N4BP2: variants seen among roughly 807,000 people sequenced by gnomAD.
N4BP2 encodes NEDD4 binding protein 2.
In N4BP2, 91 loss-of-function variants were observed where a neutral mutation model predicts 152.8. The ratio of observed to expected loss-of-function variants is 0.60; its 90% CI spans 0.50 to 0.71. The LOEUF (loss-of-function observed/expected upper bound fraction) is 0.71, where lower values mean the gene tolerates loss of function less well. Ranked by LOEUF, N4BP2 falls within the 30% of genes least tolerant of loss-of-function variation. The pLI, the probability that N4BP2 is intolerant of heterozygous loss-of-function variation, is 0.00. For synonymous variants in N4BP2, 646 were observed against 705.3 expected, an observed-to-expected ratio of 0.92 and a Z score of 1.33; for missense variants, 1,923 against 2,059.1, an observed-to-expected ratio of 0.93 and a Z score of 1.28.
chr4:40,118,808 A>G (rs1717590548), intron 8 of N4BP2, among the ~76,000 whole-genome samples: 1 of 152,242 alleles, frequency 6.6e-6, no homozygotes, highest in Non-Finnish European at 1.5e-5. Flanking sequence ...GACAATTTGC[A>G]ATCCAAGGTA....
chr4:40,168,774 G>T, the N4BP2 span, among the ~76,000 whole-genome samples: 40 of 151,604 alleles, frequency 2.6e-4, no homozygotes, highest in South Asian at 6.3e-4. Context: ...GCCCAAGCTG[G>T]AGTGCAATGG....
chr4:40,136,883 AATGTC>A (rs1189348638), intron 13 of N4BP2, 56 bp from the exon 14 acceptor site: 56 of 1,256,294 alleles, frequency 4.5e-5, no homozygotes, highest in Non-Finnish European at 6.2e-5. Context: ...TGCTTGTGTT[AATGTC>A]CCACACAACT....
intron 8 of N4BP2, among the ~76,000 whole-genome samples, chr4:40,119,115 C>A (rs1275202686): frequency 2.0e-5 from 3 of 152,158 alleles, no homozygotes; most frequent in African/African-American, 7.2e-5. Flanking sequence ...ACAAATCTTT[C>A]TGTACTTCAG....
chr4:40,083,519 T>G (rs1312661461), intron 2 of N4BP2, among the ~76,000 whole-genome samples: 1 of 152,142 alleles, frequency 6.6e-6, no homozygotes, highest in African/African-American at 2.4e-5. Context: ...GAAGTACCAA[T>G]ACAGGCTACA....
chr4:40,162,413 A>G (rs1721881703), downstream of N4BP2, among the ~76,000 whole-genome samples: 1 of 152,084 alleles, frequency 6.6e-6, no homozygotes, highest in Non-Finnish European at 1.5e-5. Flanking sequence ...GAGCCAAGAT[A>G]GTGCCACTGC....
the N4BP2 span, among the ~76,000 whole-genome samples, chr4:40,163,570 G>T: frequency 6.6e-6 from 1 of 152,236 alleles, no homozygotes; most frequent in African/African-American, 2.4e-5. Context: ...AGGAAGAAAT[G>T]CATTCTTGTT....
rs765582847 is a variant in N4BP2, at chr4:40,154,234, G to A, written c.5310G>A (p.Lys1770=). Residue 1770 remains lysine (K), a synonymous_variant, in exon 18 of 18, where the codon AAG becomes AAA. Transcript: ENST00000261435. ...IKPGCLKVML[K] ...CAGGGTGCTTGAAAGTCATGCTAAA[G>A]TAAAATAAACATCCTTGAATTAGAA... 9.4e-6 allele frequency: 15 copies of A among 1,593,510 alleles called. No homozygotes were observed. The highest frequency in any genetic ancestry group is 3.5e-5 in the Admixed American group (2 of 57,288).
In N4BP2 at chr4:40,156,617, T is replaced by C. The variant is rs1721618040; in HGVS notation, c.*2380T>C. On this transcript the variant is annotated 3_prime_UTR_variant, in exon 18 of 18. Transcript: ENST00000261435. ...AAATCCTGTATGCCCGCAGTAAAGATAGTTTGGGGATTTTAAAAGTTTTCT... is the reference window on the plus strand; with the variant it reads ...AAATCCTGTATGCCCGCAGTAAAGACAGTTTGGGGATTTTAAAAGTTTTCT... The C allele has an allele frequency of 6.6e-6, 1 of 152,130 alleles. No individual in the cohort carries two copies. Among genetic ancestry groups the C allele is most frequent in the African/African-American group, 2.4e-5 (1 of 41,436 alleles). The allele number at this position is 152,130 out of a possible 1,614,324, so 9.4% of individuals were successfully genotyped here.
the N4BP2 span, among the ~76,000 whole-genome samples, chr4:40,176,955 T>C: frequency 6.6e-6 from 1 of 152,228 alleles, no homozygotes; most frequent in Non-Finnish European, 1.5e-5. Context: ...AATAAAATCC[T>C]TTTCTCATCC....
chr4:40,141,699 G>T (rs1719990450), intron 14 of N4BP2, among the ~76,000 whole-genome samples: 1 of 152,246 alleles, frequency 6.6e-6, no homozygotes, highest in Admixed American at 6.5e-5. Flanking sequence ...GCCGGGCAGA[G>T]GCTGCAATCT....
intron 1 of N4BP2, among the ~76,000 whole-genome samples, chr4:40,062,239 C>G (rs1040481283): frequency 6.6e-6 from 1 of 151,814 alleles, no homozygotes; most frequent in Non-Finnish European, 1.5e-5. Flanking sequence ...CCACCACGCC[C>G]GGCTAATTTT....
Position 40,117,253 on chromosome 4 carries a change from C to T in N4BP2, c.1665-616C>T, listed in dbSNP as rs143171986. 1.2e-3 allele frequency among the ~76,000 whole-genome samples: 185 copies of T among 152,286 alleles called. 1 individual carries two copies. Among genetic ancestry groups the T allele is most frequent in the Non-Finnish European group, 2.2e-3 (150 of 68,024 alleles). ...CTGGCTCCTATGACCCTTAACCTCT[C>T]TTTCATATTTTCTATCTCTTTGCTT... On this transcript the variant is annotated intron_variant, in intron 7 of 17. Transcript: ENST00000261435.
In N4BP2 at chr4:40,147,862, A is replaced by G. The variant is rs13129420; in HGVS notation, c.5143+3062A>G. On this transcript the variant is annotated intron_variant, in intron 16 of 17. Transcript: ENST00000261435. ...TCACCTCCCAGACGGGGTCGCGGCC[A>G]GGCAGAGGCGCTCCTCACATCCCAG... Among the ~76,000 whole-genome samples the G allele has an allele frequency of 7.4e-4, 100 of 135,960 alleles. 1 individual carries two copies. The East Asian group carries it at 0.016, about 21-fold the overall frequency. 89.2% of individuals were successfully genotyped at this position (135,960 alleles called of 152,430 possible).
At chr4:40,178,437 A>G in the N4BP2 span, among the ~76,000 whole-genome samples, 8 of 148,948 alleles carry the variant, frequency 5.4e-5, no homozygotes, top group East Asian at 1.6e-3. Context: ...AAAAAAAAAA[A>G]GAAAAGAAAA....
chr4:40,099,793 T>C (rs1441514496), intron 3 of N4BP2, among the ~76,000 whole-genome samples: 4 of 152,192 alleles, frequency 2.6e-5, no homozygotes, highest in Admixed American at 6.5e-5. Flanking sequence ...CTTAGTGTAA[T>C]TTTTCATTGT....
intron 15 of N4BP2, 138 bp from the exon 16 acceptor site, chr4:40,144,494 A>T: frequency 1.5e-6 from 1 of 645,292 alleles, no homozygotes; most frequent in Non-Finnish European, 2.6e-6. Context: ...CTTATATATT[A>T]AACTCATTGC....
At chr4:40,069,224 G>C (rs1405111591) in intron 1 of N4BP2, among the ~76,000 whole-genome samples, 3 of 152,074 alleles carry the variant, frequency 2.0e-5, no homozygotes, top group African/African-American at 7.2e-5. Flanking sequence ...CATCACTTGA[G>C]GTCAGGAGTT....
Position 40,131,860 on chromosome 4 carries a change from C to G in N4BP2, c.4587C>G (p.Leu1529=). The G allele has an allele frequency of 1.2e-6, 2 of 1,613,672 alleles. No individual in the cohort carries two copies. Residue 1529 remains leucine, a synonymous_variant, in exon 13 of 18, where the codon CTC becomes CTG. Coordinates refer to ENST00000261435, the MANE Select transcript of N4BP2 (RefSeq NM_018177.6). ...CCACTAAACTAAAGGAGAAGCAGCTCTTTAAGATATTTCCAGCCATTAACC... is the reference window on the plus strand; with the variant it reads ...CCACTAAACTAAAGGAGAAGCAGCTGTTTAAGATATTTCCAGCCATTAACC... The part of the protein sequence containing the change: ...DCATKLKEKQ[L]FKIFPAINQN...
At chr4:40,059,551 T>A (rs572641382) in intron 1 of N4BP2, among the ~76,000 whole-genome samples, 1 of 151,980 alleles carries the variant, frequency 6.6e-6, no homozygotes, top group Non-Finnish European at 1.5e-5. Context: ...GTTTTTGTCA[T>A]GTTGGTGAGG....
Sources: allele counts gnomAD v4.1 joint callset (sites outside exome capture counted in the v4.1 genomes callset), GRCh38; gene constraint gnomAD v4.1.1; transcripts MANE v1.5; gene names NCBI Gene and HGNC (gene_info 2026-07-23, HGNC 2026-07-21).